Variants in PTPRO observed in about 807,000 individuals in gnomAD.
The protein encoded by PTPRO is receptor-type tyrosine-protein phosphatase O.
PTPRO carries 62 observed loss-of-function variants against 145.2 expected under a neutral mutation model. That is an observed-to-expected ratio of 0.43 (90% confidence interval 0.35 to 0.53). The LOEUF (loss-of-function observed/expected upper bound fraction) is 0.53. Among genes scored for constraint, PTPRO ranks in the 20% least tolerant of loss-of-function variants. The probability of loss-of-function intolerance (pLI) is 0.01; values close to 1 mark genes in which losing one functional copy is unlikely to be tolerated. For synonymous variants in PTPRO, 565 were observed against 514.7 expected, an observed-to-expected ratio of 1.10 and a Z score of -1.32; for missense variants, 1,345 against 1,482.7, an observed-to-expected ratio of 0.91 and a Z score of 1.53.
At chr12:15,529,010 G>T (rs1003517761) in intron 12 of PTPRO, among the ~76,000 whole-genome samples, 1 of 152,176 alleles carries the variant, frequency 6.6e-6, no homozygotes, top group African/African-American at 2.4e-5. Context: ...AGAAATGCAA[G>T]AGAGTTCTTC....
intron 2 of PTPRO, among the ~76,000 whole-genome samples, chr12:15,487,557 GC>G (rs1240991200): frequency 6.6e-6 from 1 of 152,038 alleles, no homozygotes; most frequent in African/African-American, 2.4e-5. Flanking sequence ...ATTATCATCT[GC>G]ACACCTGTCA....
intron 2 of PTPRO, among the ~76,000 whole-genome samples, chr12:15,496,369 C>T (rs796875155): frequency 9.2e-5 from 14 of 151,870 alleles, no homozygotes; most frequent in African/African-American, 2.2e-4. Flanking sequence ...CTCAAACTCC[C>T]GACCTCAGGT....
At chr12:15,345,524 C>T (rs1867172105) in intron 1 of PTPRO, among the ~76,000 whole-genome samples, 1 of 152,006 alleles carries the variant, frequency 6.6e-6, no homozygotes, top group Non-Finnish European at 1.5e-5. Flanking sequence ...AACCAAACAC[C>T]ACATGTTTGC....
intron 10 of PTPRO, 127 bp downstream of exon 10, chr12:15,520,439 A>T (rs1338340327): frequency 4.3e-6 from 3 of 697,226 alleles, no homozygotes; most frequent in African/African-American, 3.5e-5. Flanking sequence ...TTCATGGGAG[A>T]TAATATTGAT....
intron 1 of PTPRO, among the ~76,000 whole-genome samples, chr12:15,323,752 T>C (rs1381738283): frequency 6.6e-6 from 1 of 152,194 alleles, no homozygotes; most frequent in Non-Finnish European, 1.5e-5. Flanking sequence ...AGGACCACAG[T>C]GATACCTTCC....
chr12:15,362,810 A>G (rs1442186382), intron 1 of PTPRO, among the ~76,000 whole-genome samples: 2 of 152,328 alleles, frequency 1.3e-5, no homozygotes, highest in East Asian at 3.9e-4. Flanking sequence ...ATTCAAATGT[A>G]TTAATAAAAT....
chr12:15,448,703 A>G (rs141429804), intron 1 of PTPRO, among the ~76,000 whole-genome samples: 51 of 152,260 alleles, frequency 3.3e-4, no homozygotes, highest in African/African-American at 1.2e-3. Flanking sequence ...GAAATAAGCA[A>G]CTCCAAGGGA....
intron 1 of PTPRO, among the ~76,000 whole-genome samples, chr12:15,385,345 G>T (rs1036472597): frequency 6.6e-6 from 1 of 152,088 alleles, no homozygotes; most frequent in Non-Finnish European, 1.5e-5. Context: ...CAACTTGAGG[G>T]CAACTACGGA....
intron 1 of PTPRO, among the ~76,000 whole-genome samples, chr12:15,372,465 C>T (rs140614435): frequency 7.2e-4 from 110 of 152,242 alleles, no homozygotes; most frequent in African/African-American, 2.3e-3. Flanking sequence ...CTTGTTTGCC[C>T]ACAGCTAATA....
At chr12:15,419,019 G>A (rs1379692921) in intron 1 of PTPRO, among the ~76,000 whole-genome samples, 1 of 151,494 alleles carries the variant, frequency 6.6e-6, no homozygotes, top group Non-Finnish European at 1.5e-5. Flanking sequence ...AAAATTTAGA[G>A]CATTACTAAC....
At chr12:15,449,665 C>T (rs1940997152) in intron 1 of PTPRO, among the ~76,000 whole-genome samples, 1 of 152,160 alleles carries the variant, frequency 6.6e-6, no homozygotes. Flanking sequence ...TTCATTATGG[C>T]TATGTATAGC....
chr12:15,565,391 T>A (rs537396448), intron 17 of PTPRO: 2 of 478,094 alleles, frequency 4.2e-6, no homozygotes, highest in East Asian at 3.7e-5. Context: ...GTTCATGCAA[T>A]CTAGTAGAGT....
rs1038499313 is a variant in PTPRO at position 15,341,421 on chromosome 12, C to T, written c.75+18620C>T. On this transcript the variant is annotated intron_variant, in intron 1 of 26. Coordinates refer to ENST00000281171, the MANE Select transcript of PTPRO (RefSeq NM_030667.3). ...CCCCCTCCTCTGTAAATTGTCTCAA[C>T]CTTGAGCTGGGAAGTGTACTGCCAT... is the stretch of plus-strand genomic sequence containing the variant. Among the ~76,000 whole-genome samples the T allele has an allele frequency of 4.6e-5, 7 of 152,066 alleles. 1 individual carries two copies. Among genetic ancestry groups the T allele is most frequent in the African/African-American group, 1.7e-4 (7 of 41,422 alleles).
intron 2 of PTPRO, among the ~76,000 whole-genome samples, chr12:15,492,931 A>G (rs566544889): frequency 1.3e-5 from 2 of 152,182 alleles, no homozygotes; most frequent in East Asian, 1.9e-4. Context: ...CAAGACTTGA[A>G]AAATGACATG....
intron 8 of PTPRO, 22 bp downstream of exon 8, chr12:15,515,640 G>A (rs1942560944): frequency 1.2e-6 from 2 of 1,613,740 alleles, no homozygotes; most frequent in African/African-American, 2.7e-5. Flanking sequence ...GCCACAAGAA[G>A]AATGACTGAC....
At chr12:15,449,100 C>T (rs1370409495) in intron 1 of PTPRO, among the ~76,000 whole-genome samples, 2 of 144,160 alleles carry the variant, frequency 1.4e-5, no homozygotes, top group Non-Finnish European at 3.0e-5. Context: ...AGCACAGCCA[C>T]GTAGTGAAAG....
intron 1 of PTPRO, among the ~76,000 whole-genome samples, chr12:15,462,853 A>C (rs1007120781): frequency 6.6e-6 from 1 of 152,152 alleles, no homozygotes; most frequent in African/African-American, 2.4e-5. Flanking sequence ...TTACCTGATA[A>C]CTAAAAATTT....
chr12:15,415,754 A>G (rs1037290367), intron 1 of PTPRO, among the ~76,000 whole-genome samples: 10 of 151,762 alleles, frequency 6.6e-5, no homozygotes, highest in Non-Finnish European at 1.0e-4. Flanking sequence ...AATTAGCTGC[A>G]TGTCTTTTTA....
chr12:15,389,692 C>A (rs1266823242), intron 1 of PTPRO, among the ~76,000 whole-genome samples: 1 of 152,174 alleles, frequency 6.6e-6, no homozygotes, highest in East Asian at 1.9e-4. Context: ...ATGCCAAACA[C>A]CTTCTGGATA....
Sources: gnomAD v4.1 joint callset for allele counts (sites outside exome capture counted in the v4.1 genomes callset) on GRCh38, gnomAD v4.1.1 for gene constraint, MANE v1.5 for transcripts, NCBI Gene and HGNC (gene_info 2026-07-23, HGNC 2026-07-21) for gene names.